Variants in FMNL2 observed in about 807,000 individuals in gnomAD.
FMNL2 encodes formin-like protein 2.
Under a neutral mutation model 130.2 loss-of-function variants are expected in FMNL2, and 51 were observed. The observed-to-expected ratio is 0.39, with a 90% CI of 0.31 to 0.49. The LOEUF is 0.49. Ranked by LOEUF, FMNL2 falls within the 20% of genes least tolerant of loss-of-function variation. FMNL2 has a pLI of 0.85. For synonymous variants in FMNL2, 465 were observed against 467.1 expected (o/e 1.00, Z 0.06); for missense variants, 977 against 1,316.2 (o/e 0.74, Z 3.99).
chr2:152,493,199 A>G (rs1450401718), intron 1 of FMNL2, among the ~76,000 whole-genome samples: 1 of 152,232 alleles, frequency 6.6e-6, no homozygotes, highest in Non-Finnish European at 1.5e-5. Flanking sequence ...CAATTATGGA[A>G]AATGTTCTCG....
At chr2:152,421,770 T>C (rs1558849463) in intron 1 of FMNL2, among the ~76,000 whole-genome samples, 1 of 151,906 alleles carries the variant, frequency 6.6e-6, no homozygotes, top group African/African-American at 2.4e-5. Context: ...GACCAGGGAG[T>C]GATGTTATAG....
chr2:152,575,119 T>C lies in FMNL2; in HGVS notation c.597-17T>C. ...AGTAACCTGTTGTTTTATAGAAGTTTCTCTTTTTGTTTGTAGATATAATAC... is the reference window on the plus strand; with the variant it reads ...AGTAACCTGTTGTTTTATAGAAGTTCCTCTTTTTGTTTGTAGATATAATAC... On this transcript the variant is annotated splice_polypyrimidine_tract_variant and intron_variant, in intron 6 of 25. Coordinates refer to ENST00000288670, the MANE Select transcript of FMNL2 (RefSeq NM_052905.4). The C allele has an allele frequency of 6.7e-7, 1 of 1,487,708 alleles. No individual in the cohort carries two copies. Among genetic ancestry groups the C allele is most frequent in the African/African-American group, 1.4e-5 (1 of 72,330 alleles). The allele number at this position is 1,487,708 out of a possible 1,614,324, so 92.2% of individuals were successfully genotyped here.
intron 1 of FMNL2, among the ~76,000 whole-genome samples, chr2:152,392,711 G>C (rs185445083): frequency 7.7e-4 from 117 of 152,176 alleles, no homozygotes; most frequent in Non-Finnish European, 1.5e-3. Context: ...CATCACTTTG[G>C]CAACACCTAA....
chr2:152,335,544 T>C lies in FMNL2; in HGVS notation c.-60T>C. ...GGCAGCCGACCGCCGGGAGCTGTTC[T>C]GATTTCCGACGCGCACGCTAGGGGC... On this transcript the variant is annotated 5_prime_UTR_variant, in exon 1 of 26. Transcript: ENST00000288670. 6.9e-7 allele frequency: 1 copy of C among 1,444,122 alleles called. No homozygotes were observed. The highest frequency in any genetic ancestry group is 1.2e-5 in the South Asian group (1 of 83,022). 89.5% of individuals were successfully genotyped at this position (1,444,122 alleles called of 1,614,324 possible).
chr2:152,378,842 G>A (rs1007335218), intron 1 of FMNL2, among the ~76,000 whole-genome samples: 32 of 151,972 alleles, frequency 2.1e-4, no homozygotes, highest in African/African-American at 5.8e-4. Flanking sequence ...GGAGGTGTGG[G>A]CTATGAATGA....
At chr2:152,557,157 A>T in intron 4 of FMNL2, among the ~76,000 whole-genome samples, 1 of 152,184 alleles carries the variant, frequency 6.6e-6, no homozygotes, top group East Asian at 1.9e-4. Flanking sequence ...ACCTAGCACC[A>T]CAGAAAGTAC....
intron 1 of FMNL2, among the ~76,000 whole-genome samples, chr2:152,520,423 C>T (rs1158666375): frequency 2.6e-5 from 4 of 151,986 alleles, no homozygotes; most frequent in East Asian, 3.9e-4. Context: ...GGTGAAACCC[C>T]GTCTCTATTA....
At chr2:152,558,032 A>G (rs1334381441) in intron 4 of FMNL2, among the ~76,000 whole-genome samples, 1 of 152,212 alleles carries the variant, frequency 6.6e-6, no homozygotes, top group African/African-American at 2.4e-5. Flanking sequence ...TATGAAGAAC[A>G]AATAAGAATG....
intron 1 of FMNL2, among the ~76,000 whole-genome samples, chr2:152,462,775 A>T (rs1689317727): frequency 6.6e-6 from 1 of 152,210 alleles, no homozygotes; most frequent in African/African-American, 2.4e-5. Context: ...AAGGTCACAT[A>T]GCTGGGGGGT....
At chr2:152,396,879 C>T (rs1411664324) in intron 1 of FMNL2, among the ~76,000 whole-genome samples, 1 of 152,142 alleles carries the variant, frequency 6.6e-6, no homozygotes, top group Admixed American at 6.5e-5. Flanking sequence ...TGCTCTGCTC[C>T]TTCACCCCTC....
intron 8 of FMNL2, 77 bp downstream of exon 8, chr2:152,579,041 G>A: frequency 8.4e-7 from 1 of 1,196,372 alleles, no homozygotes; most frequent in Non-Finnish European, 1.2e-6. Context: ...AACCAAGTTT[G>A]ACTTTGGAAA....
chr2:152,348,058 A>C (rs1682230773), intron 1 of FMNL2, among the ~76,000 whole-genome samples: 1 of 151,798 alleles, frequency 6.6e-6, no homozygotes, highest in Admixed American at 6.6e-5. Flanking sequence ...CTGCTTACTG[A>C]AACTATACCA....
chr2:152,597,733 A>G (rs1170995060), intron 9 of FMNL2, among the ~76,000 whole-genome samples: 1 of 152,202 alleles, frequency 6.6e-6, no homozygotes, highest in Non-Finnish European at 1.5e-5. Flanking sequence ...CACAAACCTC[A>G]TAAAAGGGCC....
chr2:152,626,497 T>G, intron 16 of FMNL2, 28 bp from the exon 17 acceptor site: 6 of 1,548,292 alleles, frequency 3.9e-6, no homozygotes, highest in Non-Finnish European at 5.2e-6. Context: ...ATAATCCAAT[T>G]TTCCATGGTC....
intron 9 of FMNL2, among the ~76,000 whole-genome samples, chr2:152,595,378 T>G (rs935135473): frequency 2.0e-5 from 3 of 152,216 alleles, no homozygotes; most frequent in Admixed American, 6.5e-5. Flanking sequence ...TGGAGTGCAG[T>G]GGCGCAATCT....
At chr2:152,604,204 G>A (rs1698239256) in intron 9 of FMNL2, among the ~76,000 whole-genome samples, 1 of 150,868 alleles carries the variant, frequency 6.6e-6, no homozygotes, top group African/African-American at 2.4e-5. Flanking sequence ...GTTTATATGG[G>A]CATTCTGGGC....
intron 1 of FMNL2, among the ~76,000 whole-genome samples, 163 bp downstream of exon 1, chr2:152,335,883 C>A (rs1478953766): frequency 1.3e-5 from 2 of 151,670 alleles, no homozygotes; most frequent in African/African-American, 2.4e-5. Flanking sequence ...TCCTCTTCAC[C>A]CCCCTGGCAG....
intron 6 of FMNL2, among the ~76,000 whole-genome samples, chr2:152,562,325 T>A (rs1444434430): frequency 6.6e-6 from 1 of 152,194 alleles, no homozygotes; most frequent in Non-Finnish European, 1.5e-5. Context: ...CAAGAGGACA[T>A]TATTTCTCTA....
chr2:152,467,870 T>C (rs1432504049), intron 1 of FMNL2, among the ~76,000 whole-genome samples: 2 of 152,230 alleles, frequency 1.3e-5, no homozygotes, highest in Non-Finnish European at 2.9e-5. Context: ...GTGTTTTAGC[T>C]CATTTAATTG....
Sources: allele counts gnomAD v4.1 joint callset (sites outside exome capture counted in the v4.1 genomes callset), GRCh38; gene constraint gnomAD v4.1.1; transcripts MANE v1.5; gene names NCBI Gene and HGNC (gene_info 2026-07-23, HGNC 2026-07-21).